The following EPB41L4B variants were observed in gnomAD, a reference collection of about 807,000 sequenced individuals.
EPB41L4B encodes the protein band 4.1-like protein 4B.
In EPB41L4B, 30 loss-of-function variants were observed where a neutral mutation model predicts 112.5. The ratio of observed to expected loss-of-function variants is 0.27; its 90% CI spans 0.20 to 0.36. The LOEUF is 0.36. EPB41L4B is among the 10% of genes least tolerant of loss of function. The probability of loss-of-function intolerance (pLI) is 1.00; values close to 1 mark genes in which losing one functional copy is unlikely to be tolerated. For synonymous variants in EPB41L4B, 408 were observed against 439.7 expected, an observed-to-expected ratio of 0.93 and a Z score of 0.90; for missense variants, 1,024 against 1,133.3, an observed-to-expected ratio of 0.90 and a Z score of 1.38.
At chr9:109,235,757 G>A (rs991099120) in intron 15 of EPB41L4B, among the ~76,000 whole-genome samples, 2 of 152,064 alleles carry the variant, frequency 1.3e-5, no homozygotes, top group Non-Finnish European at 2.9e-5. Context: ...ACGACCTTAC[G>A]AACCACTAAA....
At chr9:109,204,311 T>C (rs535278190) in intron 18 of EPB41L4B, among the ~76,000 whole-genome samples, 8 of 151,464 alleles carry the variant, frequency 5.3e-5, no homozygotes, top group Admixed American at 4.6e-4. Flanking sequence ...CAATAGAACA[T>C]GCAGAGGCCT....
intron 1 of EPB41L4B, among the ~76,000 whole-genome samples, chr9:109,310,314 AAAAG>A (rs948690663): frequency 1.3e-5 from 2 of 152,094 alleles, no homozygotes; most frequent in Non-Finnish European, 2.9e-5. Flanking sequence ...ACCTATAAAG[AAAAG>A]AAAGGGATGA....
chr9:109,258,775 G>A (rs1390776305), intron 6 of EPB41L4B, among the ~76,000 whole-genome samples: 9 of 152,188 alleles, frequency 5.9e-5, no homozygotes, highest in Non-Finnish European at 1.3e-4. Flanking sequence ...GTAGGAAGGG[G>A]AGGGAGAGGC....
chr9:109,226,638 T>TATATATATATGAAGA (rs1245029545), intron 15 of EPB41L4B, among the ~76,000 whole-genome samples: 1 of 129,626 alleles, frequency 7.7e-6, no homozygotes, highest in African/African-American at 2.8e-5. Context: ...ATGAAGAATA[T>TATATATATATGAAGA]ATATATATAT....
chr9:109,219,086 A>G (rs1459718596), intron 15 of EPB41L4B, among the ~76,000 whole-genome samples: 3 of 152,180 alleles, frequency 2.0e-5, no homozygotes, highest in African/African-American at 7.2e-5. Flanking sequence ...AGTTCTTGAA[A>G]CAGAATCTTC....
At chr9:109,184,383 C>A (rs992889292) in intron 23 of EPB41L4B, among the ~76,000 whole-genome samples, 2 of 152,202 alleles carry the variant, frequency 1.3e-5, no homozygotes, top group African/African-American at 4.8e-5. Context: ...CGATGCCCAG[C>A]TAACTTTTGT....
intron 15 of EPB41L4B, chr9:109,240,017 T>C: frequency 3.0e-6 from 3 of 985,418 alleles, no homozygotes; most frequent in Non-Finnish European, 3.6e-6. Context: ...CATTCTAGGA[T>C]GATCTTGCTC....
intron 21 of EPB41L4B, 116 bp from the exon 22 acceptor site, chr9:109,192,471 T>C: frequency 1.6e-6 from 1 of 641,732 alleles, no homozygotes. Context: ...TCATTAGCAA[T>C]GACAATCCCC....
At chr9:109,269,989 G>C (rs1835552956) in intron 2 of EPB41L4B, among the ~76,000 whole-genome samples, 1 of 152,190 alleles carries the variant, frequency 6.6e-6, no homozygotes, top group African/African-American at 2.4e-5. Context: ...CGTGGGTTGT[G>C]GGGCTTTTGT....
At chr9:109,242,366 C>CCCCAGAGA (rs1834383001) in intron 15 of EPB41L4B, among the ~76,000 whole-genome samples, 2 of 152,362 alleles carry the variant, frequency 1.3e-5, no homozygotes, top group East Asian at 3.9e-4. Flanking sequence ...GCACTGTTTA[C>CCCCAGAGA]GGCTTTCCTC....
intron 17 of EPB41L4B, among the ~76,000 whole-genome samples, chr9:109,210,836 T>C (rs986556431): frequency 2.6e-5 from 4 of 152,234 alleles, no homozygotes; most frequent in African/African-American, 9.6e-5. Flanking sequence ...GTATTTTATG[T>C]TCAGTCAATT....
rs988832487 is a variant in EPB41L4B, at chr9:109,268,273, C to T, written c.454+118G>A. 2.7e-5 allele frequency: 25 copies of T among 910,440 alleles called. No homozygotes were observed. The South Asian group carries it at 2.8e-4, about 10-fold the overall frequency. The allele number at this position is 910,440 out of a possible 1,614,324, so 56.4% of individuals were successfully genotyped here. A position where few individuals can be genotyped will look rare whatever the true frequency, so the allele number is the denominator to read the frequency against. ...AAATTAAAAATCATCCACTTAATAC[C>T]GAATTGATTTTTAAAATGCTTCCAA... On this transcript the variant is annotated intron_variant, in intron 3 of 25. Transcript: ENST00000374566.
chr9:109,293,434 G>A (rs556158974), intron 1 of EPB41L4B, among the ~76,000 whole-genome samples: 37 of 150,590 alleles, frequency 2.5e-4, no homozygotes, highest in Middle Eastern at 3.5e-3. Context: ...CAGGGCTGGA[G>A]TGCAATGGCA....
At chr9:109,272,562 G>C (rs1024359385) in intron 2 of EPB41L4B, among the ~76,000 whole-genome samples, 1 of 152,148 alleles carries the variant, frequency 6.6e-6, no homozygotes, top group Non-Finnish European at 1.5e-5. Context: ...AGGCCAGCCT[G>C]GACAACATGG....
chr9:109,243,478 T>G (rs935435850), intron 15 of EPB41L4B, 140 bp downstream of exon 15: 39 of 693,200 alleles, frequency 5.6e-5, no homozygotes, highest in Middle Eastern at 3.7e-4. Context: ...CTTTGAAAAT[T>G]TATTCATCTC....
intron 2 of EPB41L4B, among the ~76,000 whole-genome samples, chr9:109,269,732 C>A (rs1835542771): frequency 6.6e-6 from 1 of 152,178 alleles, no homozygotes; most frequent in Non-Finnish European, 1.5e-5. Flanking sequence ...GTGATACAAG[C>A]AGAGTGGGCT....
At chr9:109,306,081 T>C (rs1837179504) in intron 1 of EPB41L4B, among the ~76,000 whole-genome samples, 1 of 152,146 alleles carries the variant, frequency 6.6e-6, no homozygotes, top group Admixed American at 6.5e-5. Context: ...GAAATGACTT[T>C]TAAGTCTAGT....
At chr9:109,203,596 A>G in intron 19 of EPB41L4B, 67 bp downstream of exon 19, 1 of 1,280,838 alleles carries the variant, frequency 7.8e-7, no homozygotes, top group Non-Finnish European at 1.1e-6. Flanking sequence ...CTCGTGAGCA[A>G]TGTTTCAAGG....
intron 1 of EPB41L4B, among the ~76,000 whole-genome samples, chr9:109,309,937 T>C (rs923567306): frequency 6.6e-6 from 1 of 152,184 alleles, no homozygotes; most frequent in African/African-American, 2.4e-5. Flanking sequence ...GGGAAGCTTT[T>C]ACATGCTGTG....
Sources: gnomAD v4.1 joint callset for allele counts (sites outside exome capture counted in the v4.1 genomes callset) on GRCh38, gnomAD v4.1.1 for gene constraint, MANE v1.5 for transcripts, NCBI Gene and HGNC (gene_info 2026-07-23, HGNC 2026-07-21) for gene names.